DPYD: variants seen among roughly 807,000 people sequenced by gnomAD.
DPYD encodes dihydropyrimidine dehydrogenase.
In DPYD, 109 loss-of-function variants were observed where a neutral mutation model predicts 116.2. That is an observed-to-expected ratio of 0.94 (90% CI 0.80 to 1.10). The LOEUF is 1.10. Ranked by LOEUF, DPYD falls within the 50% of genes least tolerant of loss-of-function variation. The probability of loss-of-function intolerance (pLI) is 0.00; values close to 1 mark genes in which losing one functional copy is unlikely to be tolerated. For missense variants in DPYD, 1,302 were observed against 1,254.5 expected (o/e 1.04, Z -0.57); for synonymous variants, 440 against 432.0 (o/e 1.02, Z -0.23).
At chr1:97,738,295 C>G (rs910421048) in intron 4 of DPYD, among the ~76,000 whole-genome samples, 10 of 152,040 alleles carry the variant, frequency 6.6e-5, no homozygotes, top group Non-Finnish European at 1.3e-4. Context: ...CAATTGCAAA[C>G]AACAGCCTGC....
chr1:97,542,553 T>C (rs1157687583), intron 12 of DPYD, among the ~76,000 whole-genome samples: 1 of 152,172 alleles, frequency 6.6e-6, no homozygotes, highest in Non-Finnish European at 1.5e-5. Context: ...TTGTTGTTTG[T>C]GATGTCCTTG....
rs185857460 is a variant in DPYD at position 97,918,253 on chromosome 1, A to C, written c.39+2631T>G. Reference sequence around the variant, plus strand: ...CCCAACAAGATGCTGTCAACTTGTGACATTTGTTTATTATCCTTAGCAGAT... The same window carrying C: ...CCCAACAAGATGCTGTCAACTTGTGCCATTTGTTTATTATCCTTAGCAGAT... On this transcript the variant is annotated intron_variant, in intron 1 of 22. Coordinates refer to ENST00000370192, the MANE Select transcript of DPYD (RefSeq NM_000110.4). 3.4e-4 allele frequency among the ~76,000 whole-genome samples: 52 copies of C among 152,334 alleles called. 1 individual carries two copies. In the East Asian group the frequency reaches 4.4e-3, roughly 13 times the overall value.
At chr1:97,293,002 A>C (rs1666309837) in intron 18 of DPYD, among the ~76,000 whole-genome samples, 1 of 152,220 alleles carries the variant, frequency 6.6e-6, no homozygotes, top group Non-Finnish European at 1.5e-5. Flanking sequence ...CATAGAAATA[A>C]TTTGATCCAT....
At chr1:97,092,503 C>A (rs1450154820) in intron 21 of DPYD, among the ~76,000 whole-genome samples, 8 of 152,032 alleles carry the variant, frequency 5.3e-5, no homozygotes, top group Admixed American at 2.6e-4. Flanking sequence ...TTTGGTTATC[C>A]TTCTCTTTCT....
At chr1:97,414,553 T>G (rs1177081799) in intron 14 of DPYD, among the ~76,000 whole-genome samples, 1 of 152,186 alleles carries the variant, frequency 6.6e-6, no homozygotes, top group Admixed American at 6.5e-5. Context: ...GAAAATTCAT[T>G]TGGGTTTTTA....
intron 12 of DPYD, among the ~76,000 whole-genome samples, chr1:97,522,513 T>G (rs4427441): frequency 0.62 from 94,389 of 151,886 alleles, 29,471 homozygotes; most frequent in East Asian, 0.75. Context: ...ATGAGGTCAG[T>G]AGATCGAGAC....
intron 18 of DPYD, among the ~76,000 whole-genome samples, chr1:97,237,110 G>A (rs186255118): frequency 7.9e-5 from 12 of 151,626 alleles, no homozygotes; most frequent in Admixed American, 5.9e-4. Flanking sequence ...ACTTGGTGGC[G>A]GGCGCCTGTA....
intron 5 of DPYD, among the ~76,000 whole-genome samples, chr1:97,718,672 C>T (rs1176434196): frequency 5.3e-5 from 8 of 151,686 alleles, no homozygotes; most frequent in Non-Finnish European, 4.4e-5. Context: ...ACTGATTTGA[C>T]ATGCAGCTAA....
At chr1:97,647,117 T>C (rs907614717) in intron 8 of DPYD, among the ~76,000 whole-genome samples, 8 of 152,104 alleles carry the variant, frequency 5.3e-5, no homozygotes, top group Admixed American at 1.3e-4. Flanking sequence ...CATCAGAATA[T>C]ACCACTTGTA....
intron 18 of DPYD, among the ~76,000 whole-genome samples, chr1:97,299,894 A>G (rs1666760123): frequency 6.6e-6 from 1 of 152,148 alleles, no homozygotes; most frequent in Non-Finnish European, 1.5e-5. Context: ...GCTCTGAGAA[A>G]GGCAACATAA....
At chr1:97,849,578 G>A (rs1342003198) in intron 2 of DPYD, among the ~76,000 whole-genome samples, 20 of 151,432 alleles carry the variant, frequency 1.3e-4, no homozygotes, top group Admixed American at 1.3e-3. Context: ...AGTAGAAACT[G>A]ACAGAGCCTA....
chr1:97,595,871 A>G (rs551846650), intron 8 of DPYD, among the ~76,000 whole-genome samples: 1 of 152,116 alleles, frequency 6.6e-6, no homozygotes, highest in East Asian at 1.9e-4. Flanking sequence ...ACTGCAAATT[A>G]AAAGAATAAA....
At chr1:97,691,564 T>C (rs1661008531) in intron 7 of DPYD, 153 bp downstream of exon 7, 2 of 647,344 alleles carry the variant, frequency 3.1e-6, no homozygotes, top group Non-Finnish European at 5.4e-6. Context: ...GACAGACAAA[T>C]GCCCTAAGCA....
At chr1:97,127,244 A>T (rs976093948) in intron 20 of DPYD, among the ~76,000 whole-genome samples, 1 of 152,168 alleles carries the variant, frequency 6.6e-6, no homozygotes, top group African/African-American at 2.4e-5. Flanking sequence ...AAAACAGAAC[A>T]TGGAAACTAC....
intron 14 of DPYD, among the ~76,000 whole-genome samples, chr1:97,407,696 C>T (rs1198972636): frequency 6.6e-6 from 1 of 152,082 alleles, no homozygotes; most frequent in Non-Finnish European, 1.5e-5. Context: ...ACTCTTCCTC[C>T]CATAGTCAAG....
intron 3 of DPYD, among the ~76,000 whole-genome samples, chr1:97,779,956 T>G (rs1438793565): frequency 6.6e-6 from 1 of 152,184 alleles, no homozygotes. Context: ...CCTTTAGAGA[T>G]ATCTAATATT....
intron 8 of DPYD, among the ~76,000 whole-genome samples, chr1:97,604,297 A>G (rs777749869): frequency 6.6e-6 from 1 of 152,170 alleles, no homozygotes; most frequent in South Asian, 2.1e-4. Flanking sequence ...ATGAGAAGCT[A>G]CAAAACCGCA....
At position 97,745,741 on chromosome 1, in the gene DPYD, T is replaced by A. The variant is rs529475051; in HGVS notation, c.234-5262A>T. Among the ~76,000 whole-genome samples, 33 of 152,110 alleles carry A rather than the reference T, an allele frequency of 2.2e-4. No homozygotes were observed. The South Asian group carries it at 6.4e-3, about 30-fold the overall frequency. Reference sequence around the variant, plus strand: ...CACCTCATAGATGAGGCTCCAGTCATCTCCCGTAAGCATAAAAGACCAGTG... The same window carrying A: ...CACCTCATAGATGAGGCTCCAGTCAACTCCCGTAAGCATAAAAGACCAGTG... On this transcript the variant is annotated intron_variant, in intron 3 of 22. Coordinates refer to ENST00000370192, the MANE Select transcript of DPYD (RefSeq NM_000110.4).
At chr1:97,433,822 G>A (rs775114592) in intron 14 of DPYD, among the ~76,000 whole-genome samples, 4 of 152,098 alleles carry the variant, frequency 2.6e-5, no homozygotes, top group Non-Finnish European at 4.4e-5. Flanking sequence ...AAGCATTTGA[G>A]GAATAATTAT....
Sources: allele counts gnomAD v4.1 joint callset (sites outside exome capture counted in the v4.1 genomes callset), GRCh38; gene constraint gnomAD v4.1.1; transcripts MANE v1.5; gene names NCBI Gene and HGNC (gene_info 2026-07-23, HGNC 2026-07-21).